Variants in ZMYND12 observed in about 807,000 individuals in gnomAD.
ZMYND12 encodes zinc finger MYND domain-containing protein 12.
ZMYND12 carries 32 observed loss-of-function variants against 41.7 expected under a neutral mutation model. The ratio of observed to expected loss-of-function variants is 0.77; its 90% CI spans 0.58 to 1.03. The LOEUF is 1.03. ZMYND12 is among the 50% of genes least tolerant of loss of function. The pLI, the probability that ZMYND12 is intolerant of heterozygous loss-of-function variation, is 0.00. For missense variants in ZMYND12, 424 were observed against 438.5 expected (o/e 0.97, Z 0.30); for synonymous variants, 148 against 164.8 (o/e 0.90, Z 0.78).
intron 3 of ZMYND12, among the ~76,000 whole-genome samples, chr1:42,441,776 A>G (rs1439993249): frequency 1.1e-4 from 17 of 151,888 alleles, no homozygotes; most frequent in Non-Finnish European, 1.8e-4. Flanking sequence ...GCCCGCCACT[A>G]CGCCCGGCTA....
chr1:42,430,559 C>G lies in ZMYND12; in HGVS notation c.*177G>C. The G allele has an allele frequency of 2.8e-6, 2 of 723,922 alleles. No homozygotes were observed. Among genetic ancestry groups the G allele is most frequent in the South Asian group, 5.4e-5 (2 of 37,190 alleles). The allele number at this position is 723,922 out of a possible 1,614,324, so 44.8% of individuals were successfully genotyped here. On this transcript the variant is annotated 3_prime_UTR_variant, in exon 8 of 8. Transcript: ENST00000372565. Reference sequence around the variant, plus strand: ...TTTTTAGTGATTTCTATGCCTAAAGCTTTATATTCCCTTAATATGCTGTGT... The same window carrying G: ...TTTTTAGTGATTTCTATGCCTAAAGGTTTATATTCCCTTAATATGCTGTGT...
intron 3 of ZMYND12, among the ~76,000 whole-genome samples, chr1:42,448,170 G>C (rs965623039): frequency 6.6e-6 from 1 of 152,206 alleles, no homozygotes; most frequent in Non-Finnish European, 1.5e-5. Flanking sequence ...AGGCCCAAGA[G>C]AGAACGAAAG....
intron 3 of ZMYND12, among the ~76,000 whole-genome samples, chr1:42,447,746 A>C (rs1643038746): frequency 6.6e-6 from 1 of 152,202 alleles, no homozygotes; most frequent in Non-Finnish European, 1.5e-5. Flanking sequence ...CTTTTAAAAA[A>C]GTATTTTTTT....
chr1:42,452,056 G>GT (rs938153477), intron 1 of ZMYND12, among the ~76,000 whole-genome samples: 27 of 151,310 alleles, frequency 1.8e-4, no homozygotes, highest in African/African-American at 3.2e-4. Context: ...CTATTATCAT[G>GT]TTTTTTTTTA....
intron 4 of ZMYND12, among the ~76,000 whole-genome samples, chr1:42,439,507 A>G (rs4660225): frequency 0.17 from 25,455 of 151,916 alleles, 2,352 homozygotes; most frequent in African/African-American, 0.23. Flanking sequence ...CTCGTGATCC[A>G]CCCACCTTGG....
intron 7 of ZMYND12, among the ~76,000 whole-genome samples, chr1:42,431,797 T>A (rs933715201): frequency 3.3e-5 from 5 of 152,216 alleles, no homozygotes; most frequent in African/African-American, 4.8e-5. Context: ...GTAGGGTTAG[T>A]GCCCTGTGCA....
chr1:42,452,916 G>T (rs7534105), intron 1 of ZMYND12, among the ~76,000 whole-genome samples: 60,956 of 151,650 alleles, frequency 0.4, 12,877 homozygotes, highest in East Asian at 0.59. Flanking sequence ...TTTTCTTCTT[G>T]ATTTTTTATA....
At chr1:42,440,366 C>A (rs955379607) in intron 3 of ZMYND12, among the ~76,000 whole-genome samples, 1 of 152,140 alleles carries the variant, frequency 6.6e-6, no homozygotes, top group Non-Finnish European at 1.5e-5. Flanking sequence ...AAACACTATA[C>A]TAAGTGAAAG....
rs1002662360 is a variant in ZMYND12, at chr1:42,452,722, A to G, written c.111-2663T>C. ...CGTCTCAAAAAAATAATAAAAAAAT[A>G]AAAGTTCTACTGTGTCTCTAAAGTA... On this transcript the variant is annotated intron_variant, in intron 1 of 7. Coordinates refer to ENST00000372565, the MANE Select transcript of ZMYND12 (RefSeq NM_032257.5). Among the ~76,000 whole-genome samples, 15 of 152,294 alleles carry G rather than the reference A, an allele frequency of 9.8e-5. 2 individuals are homozygous for G. The highest frequency in any genetic ancestry group is 8.5e-4 in the Admixed American group (13 of 15,306).
intron 3 of ZMYND12, among the ~76,000 whole-genome samples, chr1:42,443,246 A>G (rs949044360): frequency 1.3e-5 from 2 of 152,210 alleles, no homozygotes; most frequent in African/African-American, 2.4e-5. Flanking sequence ...CTACTAGCCC[A>G]TGAGATTACA....
intron 3 of ZMYND12, among the ~76,000 whole-genome samples, chr1:42,441,824 T>G (rs1432250726): frequency 1.3e-5 from 2 of 152,022 alleles, no homozygotes; most frequent in Non-Finnish European, 2.9e-5. Context: ...GTTTCACCGT[T>G]TTAGCCGGGA....
chr1:42,435,226 G>T, intron 6 of ZMYND12, 48 bp downstream of exon 6: 2 of 1,393,098 alleles, frequency 1.4e-6, no homozygotes, highest in South Asian at 1.2e-5. Flanking sequence ...TCTGTGTATT[G>T]GGTGAGATGA....
At chr1:42,441,578 T>C (rs1642969228) in intron 3 of ZMYND12, among the ~76,000 whole-genome samples, 2 of 152,038 alleles carry the variant, frequency 1.3e-5, no homozygotes, top group Admixed American at 1.3e-4. Context: ...ACATTTTTTC[T>C]TTTTTTGTTT....
At position 42,439,905 on chromosome 1, in the gene ZMYND12, T is replaced by C. The variant is rs1250983012; in HGVS notation, c.545A>G (p.Tyr182Cys). ...SLLHRNLGLL[Y>C]IAKKNYEEAR... ...CTCTTCATAGTTTTTCTTAGCTATA[T>C]AGAGAAGTCCCAGATTCCGATGCAG... The change falls in exon 4 of 8, where the codon TAT (tyrosine) becomes TGT (cysteine). Residue 182 changes from tyrosine (Y) to cysteine (C), a missense_variant. Tyr to Cys is a radical substitution (Grantham distance 194). Coordinates refer to ENST00000372565, the MANE Select transcript of ZMYND12 (RefSeq NM_032257.5). 6.2e-7 allele frequency: 1 copy of C among 1,614,136 alleles called. No homozygotes were observed. The highest frequency in any genetic ancestry group is 8.5e-7 in the Non-Finnish European group (1 of 1,180,034).
intron 6 of ZMYND12, 108 bp from the exon 7 acceptor site, chr1:42,433,396 G>A (rs1642875483): frequency 3.0e-6 from 4 of 1,312,716 alleles, no homozygotes; most frequent in East Asian, 2.6e-5. Context: ...CCTTCCCAAG[G>A]GCACTGGTGG....
intron 4 of ZMYND12, 74 bp downstream of exon 4, chr1:42,439,782 C>T: frequency 2.1e-6 from 3 of 1,423,970 alleles, no homozygotes; most frequent in Non-Finnish European, 2.8e-6. Flanking sequence ...AAAAATTAAA[C>T]AGATTTTGGA....
chr1:42,441,700 A>C (rs371431673), intron 3 of ZMYND12, among the ~76,000 whole-genome samples: 9 of 151,956 alleles, frequency 5.9e-5, no homozygotes, highest in African/African-American at 2.2e-4. Context: ...GGCTCACTGC[A>C]AGCTCCGCCT....
At chr1:42,433,414 AC>A (rs1642875631) in intron 6 of ZMYND12, 126 bp from the exon 7 acceptor site, 2 of 1,125,914 alleles carry the variant, frequency 1.8e-6, no homozygotes, top group Non-Finnish European at 2.4e-6. Context: ...TGGAAATAGC[AC>A]CAATTACAGC....
At position 42,440,036 on chromosome 1, in the gene ZMYND12, G is replaced by A. The variant is rs1399063186; in HGVS notation, c.425-11C>T. Reference sequence around the variant, plus strand: ...CGATTCGGCCCAGACCTGCCCAAAAGCAGAAAAGAAGGTTATAATTCATAT... The same window carrying A: ...CGATTCGGCCCAGACCTGCCCAAAAACAGAAAAGAAGGTTATAATTCATAT... On this transcript the variant is annotated splice_polypyrimidine_tract_variant and intron_variant, in intron 3 of 7. Transcript: ENST00000372565. 1 of 1,586,742 alleles carries A rather than the reference G, an allele frequency of 6.3e-7. No homozygotes were observed. Among genetic ancestry groups the A allele is most frequent in the Non-Finnish European group, 8.5e-7 (1 of 1,170,396 alleles).
Sources: allele counts gnomAD v4.1 joint callset (sites outside exome capture counted in the v4.1 genomes callset), GRCh38; gene constraint gnomAD v4.1.1; transcripts MANE v1.5; gene names NCBI Gene and HGNC (gene_info 2026-07-23, HGNC 2026-07-21).